Variants in TCF20 observed in about 807,000 individuals in gnomAD.
The protein encoded by TCF20 is transcription factor 20.
TCF20 carries 3 observed loss-of-function variants against 148.6 expected under a neutral mutation model. The observed-to-expected ratio is 0.02, with a 90% confidence interval of 0.01 to 0.05. The LOEUF is 0.05. Ranked by LOEUF, TCF20 falls within the 10% of genes least tolerant of loss-of-function variation. TCF20 has a pLI of 1.00. For missense variants in TCF20, 2,350 were observed against 2,429.3 expected, an observed-to-expected ratio of 0.97 and a Z score of 0.69; for synonymous variants, 1,049 against 909.5, an observed-to-expected ratio of 1.15 and a Z score of -2.76.
chr22:42,320,479 C>T, intron 1 of TCF20, among the ~76,000 whole-genome samples: 1 of 152,214 alleles, frequency 6.6e-6, no homozygotes, highest in Non-Finnish European at 1.5e-5. Context: ...CCACCTCAAT[C>T]CCCACTGCCA....
At chr22:42,243,310 A>AAAAAAAAAAAC (rs1924618740) in intron 1 of TCF20, among the ~76,000 whole-genome samples, 2 of 140,864 alleles carry the variant, frequency 1.4e-5, no homozygotes, top group African/African-American at 6.1e-5. Flanking sequence ...AAAAAAAAAA[A>AAAAAAAAAAAC]AAAAAAAAAA....
At chr22:42,232,822 A>AT (rs71184876) in intron 1 of TCF20, among the ~76,000 whole-genome samples, 1 of 150,186 alleles carries the variant, frequency 6.7e-6, no homozygotes. Context: ...AAAAAAAAAA[A>AT]CTAGTTTGAC....
chr22:42,185,168 T>C (rs1936985036), intron 2 of TCF20, among the ~76,000 whole-genome samples: 1 of 152,352 alleles, frequency 6.6e-6, no homozygotes, highest in African/African-American at 2.4e-5. Context: ...TGGGTCACAG[T>C]AGTATTATAG....
At chr22:42,295,486 C>T (rs1442128564) in intron 1 of TCF20, among the ~76,000 whole-genome samples, 5 of 150,470 alleles carry the variant, frequency 3.3e-5, no homozygotes, top group Non-Finnish European at 5.9e-5. Context: ...TCTTGTTGCC[C>T]GGGCTGGAGT....
intron 1 of TCF20, among the ~76,000 whole-genome samples, chr22:42,294,804 C>G (rs1445007169): frequency 6.6e-6 from 1 of 152,256 alleles, no homozygotes; most frequent in Non-Finnish European, 1.5e-5. Context: ...GACTGTCCAA[C>G]TGCAGCAGGT....
intron 3 of TCF20, among the ~76,000 whole-genome samples, chr22:42,171,304 G>C (rs1334205907): frequency 6.6e-6 from 1 of 152,168 alleles, no homozygotes; most frequent in Non-Finnish European, 1.5e-5. Flanking sequence ...GCAGGAGGCA[G>C]CCACGGTACT....
chr22:42,183,534 C>T (rs1049992279), intron 2 of TCF20, among the ~76,000 whole-genome samples: 1 of 152,148 alleles, frequency 6.6e-6, no homozygotes, highest in African/African-American at 2.4e-5. Context: ...GACAGGGCGG[C>T]AGCTGCAGAA....
intron 1 of TCF20, among the ~76,000 whole-genome samples, chr22:42,316,868 C>G (rs1246765251): frequency 6.6e-6 from 1 of 152,200 alleles, no homozygotes; most frequent in Non-Finnish European, 1.5e-5. Flanking sequence ...CTGACACTGG[C>G]AGAACTTTCT....
At chr22:42,311,392 A>G (rs532554916) in intron 1 of TCF20, among the ~76,000 whole-genome samples, 1 of 152,338 alleles carries the variant, frequency 6.6e-6, no homozygotes, top group East Asian at 1.9e-4. Context: ...CAGTTTCCTC[A>G]TAAGAGAAAC....
chr22:42,258,800 A>G (rs146666875), intron 1 of TCF20, among the ~76,000 whole-genome samples: 170 of 152,284 alleles, frequency 1.1e-3, no homozygotes, highest in African/African-American at 4.0e-3. Flanking sequence ...TGCATTAAAT[A>G]TACCTTCGAC....
intron 5 of TCF20, among the ~76,000 whole-genome samples, chr22:42,165,224 C>T (rs1007811768): frequency 6.6e-6 from 1 of 152,248 alleles, no homozygotes; most frequent in Admixed American, 6.5e-5. Context: ...TTCATGCATA[C>T]ACACAAATGG....
At chr22:42,168,353 A>G (rs1396708768) in intron 5 of TCF20, among the ~76,000 whole-genome samples, 1 of 152,212 alleles carries the variant, frequency 6.6e-6, no homozygotes, top group Non-Finnish European at 1.5e-5. Context: ...ACCCCTGGCC[A>G]GCTGTGCCCT....
upstream of TCF20, among the ~76,000 whole-genome samples, chr22:42,286,121 G>T (rs147193912): frequency 1.3e-5 from 2 of 152,274 alleles, no homozygotes; most frequent in Non-Finnish European, 2.9e-5. Flanking sequence ...AGCTGACAGC[G>T]TAACAGCAGT....
At chr22:42,255,316 C>T (rs1210962006) in intron 1 of TCF20, among the ~76,000 whole-genome samples, 10 of 152,070 alleles carry the variant, frequency 6.6e-5, no homozygotes, top group Admixed American at 6.6e-4. Context: ...AAAACCCCGT[C>T]TCTACTAAAA....
At chr22:42,225,677 CT>C (rs1356840317) in intron 1 of TCF20, among the ~76,000 whole-genome samples, 3 of 151,116 alleles carry the variant, frequency 2.0e-5, no homozygotes, top group African/African-American at 7.3e-5. Flanking sequence ...AGTATCAGAG[CT>C]TTATCTGTTC....
chr22:42,215,382 T>G (rs781036942), intron 1 of TCF20, 41 bp from the exon 2 acceptor site: 16 of 1,518,260 alleles, frequency 1.1e-5, no homozygotes, highest in Non-Finnish European at 1.4e-5. Flanking sequence ...ACGCATCTCC[T>G]TGGTACAAAT....
intron 2 of TCF20, among the ~76,000 whole-genome samples, chr22:42,200,641 C>A (rs1441577391): frequency 5.5e-3 from 528 of 96,136 alleles, no homozygotes; most frequent in East Asian, 0.011. Flanking sequence ...GACTTCGTCT[C>A]AAAAAAAAAA....
At chr22:42,223,059 G>C (rs368291892) in intron 1 of TCF20, among the ~76,000 whole-genome samples, 2 of 152,172 alleles carry the variant, frequency 1.3e-5, no homozygotes, top group South Asian at 2.1e-4. Context: ...TGAGGCAGGA[G>C]GATCACTTGA....
intron 5 of TCF20, among the ~76,000 whole-genome samples, chr22:42,165,462 T>A (rs991979400): frequency 6.6e-6 from 1 of 152,210 alleles, no homozygotes; most frequent in Non-Finnish European, 1.5e-5. Flanking sequence ...GGGACTCCAC[T>A]GTCAAAAGCC....
Sources: allele counts gnomAD v4.1 joint callset (sites outside exome capture counted in the v4.1 genomes callset), GRCh38; gene constraint gnomAD v4.1.1; transcripts MANE v1.5; gene names NCBI Gene and HGNC (gene_info 2026-07-23, HGNC 2026-07-21).